FAM151B: variants seen among roughly 807,000 people sequenced by gnomAD.
FAM151B encodes the protein family with sequence similarity 151 member B.
In FAM151B, 24 loss-of-function variants were observed where a neutral mutation model predicts 31.2. That is an observed-to-expected ratio of 0.77 (90% CI 0.56 to 1.08). The LOEUF (loss-of-function observed/expected upper bound fraction) is 1.08. Among genes scored for constraint, FAM151B ranks in the 50% least tolerant of loss-of-function variants. The probability of loss-of-function intolerance (pLI) is 0.00; values close to 1 mark genes in which losing one functional copy is unlikely to be tolerated. For synonymous variants in FAM151B, 105 were observed against 111.4 expected (o/e 0.94, Z 0.36); for missense variants, 293 against 328.6 (o/e 0.89, Z 0.84).
At chr5:80,499,578 T>A (rs1472690451) in intron 1 of FAM151B, among the ~76,000 whole-genome samples, 1 of 152,110 alleles carries the variant, frequency 6.6e-6, no homozygotes, top group Non-Finnish European at 1.5e-5. Flanking sequence ...TCAGTTTTCC[T>A]TATATTTCTG....
At chr5:80,499,568 T>A (rs1743669000) in intron 1 of FAM151B, among the ~76,000 whole-genome samples, 1 of 152,108 alleles carries the variant, frequency 6.6e-6, no homozygotes, top group Non-Finnish European at 1.5e-5. Context: ...TGGCTTTACA[T>A]CAGTTTTCCT....
intron 5 of FAM151B, among the ~76,000 whole-genome samples, chr5:80,535,555 T>C (rs1206975997): frequency 6.6e-6 from 1 of 152,186 alleles, no homozygotes; most frequent in Non-Finnish European, 1.5e-5. Context: ...AGAATGAAAT[T>C]AGACCCGTCT....
rs1182806146 is a variant in FAM151B at position 80,504,237 on chromosome 5, G to A, written c.151+2320G>A. Reference sequence around the variant, plus strand: ...CCAGAAATCTAGGAGTCATTTTTTCGCTCCTTTCTTTATTCTTGTATCTAA... The same window carrying A: ...CCAGAAATCTAGGAGTCATTTTTTCACTCCTTTCTTTATTCTTGTATCTAA... On this transcript the variant is annotated intron_variant, in intron 2 of 5. Coordinates refer to ENST00000282226, the MANE Select transcript of FAM151B (RefSeq NM_205548.3). 3.3e-5 allele frequency among the ~76,000 whole-genome samples: 5 copies of A among 152,040 alleles called. No individual in the cohort carries two copies. In the East Asian group the frequency reaches 5.8e-4, roughly 18 times the overall value.
chr5:80,514,161 C>T (rs1442456911), intron 3 of FAM151B, among the ~76,000 whole-genome samples: 1 of 151,892 alleles, frequency 6.6e-6, no homozygotes, highest in Non-Finnish European at 1.5e-5. Flanking sequence ...CTCCAATAAC[C>T]AAAGTGTTTC....
At chr5:80,493,329 G>A (rs1206887793) in intron 1 of FAM151B, among the ~76,000 whole-genome samples, 1 of 152,060 alleles carries the variant, frequency 6.6e-6, no homozygotes, top group African/African-American at 2.4e-5. Context: ...GAGAATGTAC[G>A]TCACCTCAGG....
chr5:80,525,862 C>G (rs933442273), intron 5 of FAM151B, among the ~76,000 whole-genome samples: 3 of 123,174 alleles, frequency 2.4e-5, no homozygotes, highest in African/African-American at 9.6e-5. Context: ...TATAATGAAA[C>G]AGTGCCTGTA....
At chr5:80,505,552 G>A (rs1054189424) in intron 2 of FAM151B, among the ~76,000 whole-genome samples, 1 of 150,534 alleles carries the variant, frequency 6.6e-6, no homozygotes, top group South Asian at 2.1e-4. Context: ...CCGCCATCAC[G>A]CCTGGCTAAT....
At chr5:80,502,128 A>G (rs1743772363) in intron 2 of FAM151B, among the ~76,000 whole-genome samples, 2 of 152,050 alleles carry the variant, frequency 1.3e-5, no homozygotes, top group Non-Finnish European at 2.9e-5. Context: ...CCAGGCTGGA[A>G]AACAAAGGTG....
At chr5:80,530,379 TG>T (rs1213125021) in intron 5 of FAM151B, among the ~76,000 whole-genome samples, 1 of 152,122 alleles carries the variant, frequency 6.6e-6, no homozygotes, top group Non-Finnish European at 1.5e-5. Flanking sequence ...TTGGAAGTTC[TG>T]GCCAGGGCAA....
intron 3 of FAM151B, among the ~76,000 whole-genome samples, chr5:80,518,194 A>G (rs1744552820): frequency 6.6e-6 from 1 of 152,168 alleles, no homozygotes; most frequent in Non-Finnish European, 1.5e-5. Context: ...CTGAAATGTA[A>G]ACTGGAAATT....
chr5:80,539,090 T>A (rs1425577669), intron 5 of FAM151B, among the ~76,000 whole-genome samples: 1 of 151,524 alleles, frequency 6.6e-6, no homozygotes, highest in African/African-American at 2.4e-5. Flanking sequence ...ATGTATGTAC[T>A]ATAATTGACT....
At chr5:80,497,427 A>C (rs1743587402) in intron 1 of FAM151B, among the ~76,000 whole-genome samples, 3 of 151,746 alleles carry the variant, frequency 2.0e-5, no homozygotes, top group South Asian at 2.1e-4. Context: ...AAAAAAAAAA[A>C]AACAAAAACA....
intron 5 of FAM151B, 82 bp from the exon 6 acceptor site, chr5:80,541,591 T>G: frequency 1.5e-6 from 2 of 1,327,726 alleles, no homozygotes; most frequent in Non-Finnish European, 2.1e-6. Flanking sequence ...TAGAGATAAA[T>G]GAAAGCATTT....
At chr5:80,531,599 G>A (rs1002651768) in intron 5 of FAM151B, among the ~76,000 whole-genome samples, 1 of 152,104 alleles carries the variant, frequency 6.6e-6, no homozygotes, top group African/African-American at 2.4e-5. Context: ...ACACCTCTCA[G>A]AAGCAGACAT....
chr5:80,510,650 G>A (rs1353491437), intron 2 of FAM151B: 2 of 152,204 alleles, frequency 1.3e-5, no homozygotes, highest in Non-Finnish European at 2.9e-5. Flanking sequence ...AGAATTAGGT[G>A]CAATCAAGGC....
chr5:80,494,869 A>AG (rs1433199695), intron 1 of FAM151B, among the ~76,000 whole-genome samples: 2 of 152,162 alleles, frequency 1.3e-5, no homozygotes, highest in African/African-American at 4.8e-5. Flanking sequence ...AGATGCCATT[A>AG]GAACTTTCAT....
At chr5:80,539,252 T>G (rs2112684215) in intron 5 of FAM151B, among the ~76,000 whole-genome samples, 1 of 152,244 alleles carries the variant, frequency 6.6e-6, no homozygotes, top group East Asian at 1.9e-4. Context: ...TCATCCACCT[T>G]CATAGTTTTT....
chr5:80,490,849 A>G (rs115082265), intron 1 of FAM151B, among the ~76,000 whole-genome samples: 3,047 of 152,332 alleles, frequency 0.02, 52 homozygotes, highest in South Asian at 0.04. Context: ...TTTTGGGTAT[A>G]GTGAATAATG....
intron 5 of FAM151B, among the ~76,000 whole-genome samples, chr5:80,527,426 TAA>T (rs59029512): frequency 1.3e-3 from 195 of 147,558 alleles, no homozygotes; most frequent in Admixed American, 3.5e-3. Context: ...CTGTCTCAAT[TAA>T]AAAAAAAAAA....
Sources: allele counts gnomAD v4.1 joint callset (sites outside exome capture counted in the v4.1 genomes callset), GRCh38; gene constraint gnomAD v4.1.1; transcripts MANE v1.5; gene names NCBI Gene and HGNC (gene_info 2026-07-23, HGNC 2026-07-21).